The following ZNF385D variants were observed in gnomAD, a reference collection of about 807,000 sequenced individuals.
ZNF385D encodes zinc finger protein 385D.
In ZNF385D, 15 loss-of-function variants were observed where a neutral mutation model predicts 35.8. The ratio of observed to expected loss-of-function variants is 0.42; its 90% CI spans 0.28 to 0.64. The LOEUF (loss-of-function observed/expected upper bound fraction) is 0.64. Ranked by LOEUF, ZNF385D falls within the 30% of genes least tolerant of loss-of-function variation. The pLI is 0.23. For missense variants in ZNF385D, 474 were observed against 494.6 expected (o/e 0.96, Z 0.39); for synonymous variants, 212 against 186.8 (o/e 1.13, Z -1.10).
At chr3:22,294,675 T>C (rs765775505) in intron 2 of ZNF385D, among the ~76,000 whole-genome samples, 13 of 152,042 alleles carry the variant, frequency 8.6e-5, no homozygotes, top group Admixed American at 2.0e-4. Flanking sequence ...TGTTGATGAG[T>C]GTGCTACTAA....
intron 3 of ZNF385D, among the ~76,000 whole-genome samples, chr3:21,865,639 T>A (rs532497514): frequency 2.6e-5 from 4 of 152,130 alleles, no homozygotes; most frequent in Admixed American, 2.6e-4. Flanking sequence ...AGCTGAACAC[T>A]GCTGGGTAAT....
At chr3:22,369,679 C>T (rs1696811457) in intron 2 of ZNF385D, among the ~76,000 whole-genome samples, 1 of 152,080 alleles carries the variant, frequency 6.6e-6, no homozygotes, top group Non-Finnish European at 1.5e-5. Flanking sequence ...TTGATAATTC[C>T]ATTCATGTAT....
intron 3 of ZNF385D, among the ~76,000 whole-genome samples, chr3:21,778,822 G>C (rs2071388584): frequency 6.6e-6 from 1 of 151,770 alleles, no homozygotes; most frequent in Non-Finnish European, 1.5e-5. Context: ...ACAAACTCAA[G>C]GAAAAATATT....
rs982068871 is a variant in ZNF385D, at chr3:21,413,926, C to G, written c.*7288G>C. 2 of 152,082 alleles carry G rather than the reference C, an allele frequency of 1.3e-5. No homozygotes were observed. Among genetic ancestry groups the G allele is most frequent in the Non-Finnish European group, 2.9e-5 (2 of 67,994 alleles). The allele number at this position is 152,082 out of a possible 1,614,324, so 9.4% of individuals were successfully genotyped here. On this transcript the variant is annotated 3_prime_UTR_variant, in exon 8 of 8. Transcript: ENST00000281523. Reference sequence around the variant, plus strand: ...TATCACTCAATTTATTCGACAGTGTCTGTTTGTAGTTTTATTGTGAAGAAC... The same window carrying G: ...TATCACTCAATTTATTCGACAGTGTGTGTTTGTAGTTTTATTGTGAAGAAC...
At position 21,646,196 on chromosome 3, in the gene ZNF385D, C is replaced by T. The variant is rs2065748523; in HGVS notation, c.165+18690G>A. Among the ~76,000 whole-genome samples the T allele has an allele frequency of 6.6e-6, 1 of 152,020 alleles. No individual in the cohort carries two copies. The highest frequency in any genetic ancestry group is 2.4e-5 in the African/African-American group (1 of 41,374). On this transcript the variant is annotated intron_variant, in intron 2 of 7. Coordinates refer to ENST00000281523, the MANE Select transcript of ZNF385D (RefSeq NM_024697.3). This position sits in a 1 kb window ranked among gnomAD's most constrained non-coding sequence, Gnocchi z 4.3. ...GGGAGATGTATAATTTTTAGGGTGT[C>T]AAAACCGGCCATGTAAGTATATGCA...
At chr3:22,093,522 CA>C (rs1173750244) in intron 3 of ZNF385D, among the ~76,000 whole-genome samples, 3 of 151,784 alleles carry the variant, frequency 2.0e-5, no homozygotes, top group African/African-American at 7.2e-5. Flanking sequence ...TATTTATAAG[CA>C]AAAAACAGTT....
At chr3:21,833,192 C>A (rs1695111439) in intron 3 of ZNF385D, among the ~76,000 whole-genome samples, 1 of 152,122 alleles carries the variant, frequency 6.6e-6, no homozygotes, top group African/African-American at 2.4e-5. Flanking sequence ...ATTGAGTTTT[C>A]TTTTAATCAG....
At chr3:21,856,727 C>T (rs1696734446) in intron 3 of ZNF385D, among the ~76,000 whole-genome samples, 3 of 152,018 alleles carry the variant, frequency 2.0e-5, no homozygotes, top group Admixed American at 2.0e-4. Context: ...AACTAGTTGA[C>T]CTGATTTTTC....
chr3:21,604,340 A>G (rs1317632620), intron 2 of ZNF385D, among the ~76,000 whole-genome samples: 2 of 152,204 alleles, frequency 1.3e-5, no homozygotes, highest in Admixed American at 1.3e-4. Context: ...CAATGTGAAG[A>G]AAGACATTCG....
chr3:22,167,569 T>C (rs780549604), intron 3 of ZNF385D, among the ~76,000 whole-genome samples: 15 of 152,184 alleles, frequency 9.9e-5, no homozygotes, highest in Admixed American at 3.3e-4. Context: ...GGCTGTAACA[T>C]TGTGGCCCTC....
At chr3:22,356,510 C>T (rs80057874) in intron 2 of ZNF385D, among the ~76,000 whole-genome samples, 1,544 of 151,992 alleles carry the variant, frequency 0.01, 23 homozygotes, top group African/African-American at 0.035. Context: ...ATAGAAACTT[C>T]CGTCTGAATG....
intron 2 of ZNF385D, among the ~76,000 whole-genome samples, chr3:21,656,767 T>C (rs2066083767): frequency 6.6e-6 from 1 of 151,960 alleles, no homozygotes; most frequent in Non-Finnish European, 1.5e-5. Flanking sequence ...CATCACTCAA[T>C]AACTCTAGGC....
At chr3:21,738,273 T>G (rs988441575) in intron 1 of ZNF385D, among the ~76,000 whole-genome samples, 9 of 152,166 alleles carry the variant, frequency 5.9e-5, no homozygotes, top group Non-Finnish European at 7.4e-5. Context: ...CATAGAAAGG[T>G]GTGGTGAGGA....
intron 3 of ZNF385D, among the ~76,000 whole-genome samples, chr3:21,933,869 G>C (rs560118713): frequency 6.6e-6 from 1 of 152,084 alleles, no homozygotes; most frequent in South Asian, 2.1e-4. Context: ...GTCCAAAAGG[G>C]AGTTAATTAC....
intron 2 of ZNF385D, among the ~76,000 whole-genome samples, chr3:22,339,532 C>G (rs1210008255): frequency 1.3e-5 from 2 of 152,148 alleles, no homozygotes; most frequent in Non-Finnish European, 2.9e-5. Context: ...GCTGAAAACC[C>G]TCAACAGCTC....
chr3:21,882,025 T>C (rs1575830433), intron 3 of ZNF385D, among the ~76,000 whole-genome samples: 1 of 152,040 alleles, frequency 6.6e-6, no homozygotes, highest in East Asian at 1.9e-4. Context: ...AGTGGTTTCT[T>C]GAGATGGAAT....
At chr3:21,690,909 A>G (rs1253159719) in intron 1 of ZNF385D, among the ~76,000 whole-genome samples, 3 of 152,146 alleles carry the variant, frequency 2.0e-5, no homozygotes, top group Admixed American at 6.5e-5. Context: ...CTACGTGATC[A>G]ATATCTAAAA....
chr3:22,308,898 G>A (rs914163108), intron 2 of ZNF385D, among the ~76,000 whole-genome samples: 1 of 152,034 alleles, frequency 6.6e-6, no homozygotes, highest in Non-Finnish European at 1.5e-5. Context: ...TCTGCAGATT[G>A]CAAGTTAATA....
intron 2 of ZNF385D, among the ~76,000 whole-genome samples, chr3:22,313,983 T>C (rs1172631790): frequency 2.0e-5 from 3 of 152,190 alleles, no homozygotes; most frequent in Non-Finnish European, 2.9e-5. Context: ...AGTTCTGATC[T>C]GCATTTGTTG....
Sources: gnomAD v4.1 joint callset for allele counts (sites outside exome capture counted in the v4.1 genomes callset) on GRCh38, gnomAD v4.1.1 for gene constraint, Gnocchi (gnomAD v3.1) non-coding constraint, MANE v1.5 for transcripts, NCBI Gene and HGNC (gene_info 2026-07-23, HGNC 2026-07-21) for gene names.